Variants in VPS13B observed in about 807,000 individuals in gnomAD.
VPS13B encodes intermembrane lipid transfer protein VPS13B.
A neutral mutation model predicts 426.4 loss-of-function variants in VPS13B; 285 were observed. The ratio of observed to expected loss-of-function variants is 0.67; its 90% CI spans 0.61 to 0.74. The LOEUF (loss-of-function observed/expected upper bound fraction) is 0.74, where lower values mean the gene tolerates loss of function less well. Among genes scored for constraint, VPS13B ranks in the 30% least tolerant of loss-of-function variants. The pLI, the probability that VPS13B is intolerant of heterozygous loss-of-function variation, is 0.00. For missense variants in VPS13B, 4,537 were observed against 4,782.6 expected (o/e 0.95, Z 1.51); for synonymous variants, 1,676 against 1,676.4 (o/e 1.00, Z 0.01).
intron 54 of VPS13B, among the ~76,000 whole-genome samples, chr8:99,847,731 T>C (rs972136869): frequency 1.4e-4 from 21 of 152,282 alleles, no homozygotes; most frequent in African/African-American, 5.1e-4. Flanking sequence ...GAGAAAGCCA[T>C]TGCATGAGAA....
At chr8:99,429,572 C>T (rs1394437598) in intron 21 of VPS13B, 1 of 152,116 alleles carries the variant, frequency 6.6e-6, no homozygotes. Flanking sequence ...TCCTACAGCT[C>T]CATTCTTCCA....
chr8:99,821,103 AACACACACAC>A (rs755074579), intron 49 of VPS13B, among the ~76,000 whole-genome samples, 181 bp from the exon 50 acceptor site: 2,366 of 78,316 alleles, frequency 0.03, 63 homozygotes, highest in East Asian at 0.066. Context: ...GTCATTACAA[AACACACACAC>A]ACACACACAC....
intron 58 of VPS13B, among the ~76,000 whole-genome samples, chr8:99,865,824 C>T (rs1449090455): frequency 6.6e-6 from 1 of 152,188 alleles, no homozygotes; most frequent in African/African-American, 2.4e-5. Context: ...AACAAAATTA[C>T]ACCACATGGT....
At position 99,431,663 on chromosome 8, in the gene VPS13B, A is replaced by T. The variant is rs1338808271; in HGVS notation, c.3209A>T (p.Gln1070Leu). 2 of 1,612,668 alleles carry T rather than the reference A, an allele frequency of 1.2e-6. No homozygotes were observed. The highest frequency in any genetic ancestry group is 1.7e-6 in the Non-Finnish European group (2 of 1,179,398). The change falls in exon 22 of 62, where the codon CAG becomes CTG. Residue 1070 changes from glutamine (Q) to leucine (L), a missense_variant and splice_region_variant. Physicochemically the swap from Gln to Leu is moderately radical, Grantham distance 113 (BLOSUM62 -2). Transcript: ENST00000357162. Reference sequence around the variant, plus strand: ...AATGCAGTGAAGCATCTCACACTACAGGTAAAATAAAAGTTAGAAATATTA... The same window carrying T: ...AATGCAGTGAAGCATCTCACACTACTGGTAAAATAAAAGTTAGAAATATTA... ...VWNAVKHLTL[Q>L]LEVQSCCVFI...
chr8:99,266,672 A>G (rs1012472844), intron 17 of VPS13B, among the ~76,000 whole-genome samples: 1 of 152,004 alleles, frequency 6.6e-6, no homozygotes, highest in Non-Finnish European at 1.5e-5. Flanking sequence ...GATGGTAGGT[A>G]ATTGAATCAT....
intron 13 of VPS13B, 145 bp downstream of exon 13, chr8:99,143,310 A>G: frequency 1.0e-6 from 1 of 991,514 alleles, no homozygotes; most frequent in Non-Finnish European, 1.5e-6. Context: ...TGTTTATTTA[A>G]AGAATAAACT....
intron 19 of VPS13B, among the ~76,000 whole-genome samples, chr8:99,339,120 T>G (rs1377680014): frequency 6.6e-6 from 1 of 152,206 alleles, no homozygotes; most frequent in African/African-American, 2.4e-5. Flanking sequence ...TTTAAAAATA[T>G]TTAAGTTTCA....
At chr8:99,393,873 G>T (rs1814588080) in intron 21 of VPS13B, among the ~76,000 whole-genome samples, 1 of 151,886 alleles carries the variant, frequency 6.6e-6, no homozygotes, top group Non-Finnish European at 1.5e-5. Context: ...TTTAATTAAA[G>T]GATACAGTCT....
rs182527829 is a variant in VPS13B at position 99,299,028 on chromosome 8, G to T, written c.2824+23774G>T. ...TCAGTCCTGCCACATTCCAAAGAGC[G>T]ATCTTGGCCAAGTTATTCCACCACT... On this transcript the variant is annotated intron_variant, in intron 19 of 61. Transcript: ENST00000357162. Among the ~76,000 whole-genome samples, 406 of 149,112 alleles carry T rather than the reference G, an allele frequency of 2.7e-3. 8 individuals carry two copies. Among genetic ancestry groups the T allele is most frequent in the Admixed American group, 0.024 (355 of 14,988 alleles).
chr8:99,334,152 C>A (rs916045035), intron 19 of VPS13B, among the ~76,000 whole-genome samples: 5 of 151,592 alleles, frequency 3.3e-5, no homozygotes, highest in Non-Finnish European at 4.4e-5. Context: ...ACTTTTTTTC[C>A]AAGTAGTTAT....
chr8:99,224,905 C>T (rs1186046282), intron 17 of VPS13B, among the ~76,000 whole-genome samples: 1 of 152,140 alleles, frequency 6.6e-6, no homozygotes, highest in East Asian at 1.9e-4. Flanking sequence ...CTCCCAAGGT[C>T]TCATTTTATC....
At chr8:99,418,124 G>A (rs1816137209) in intron 21 of VPS13B, among the ~76,000 whole-genome samples, 1 of 152,010 alleles carries the variant, frequency 6.6e-6, no homozygotes, top group Non-Finnish European at 1.5e-5. Context: ...AGCTTCATGA[G>A]GACTGGGATT....
At chr8:99,612,080 T>C (rs1178252247) in intron 33 of VPS13B, among the ~76,000 whole-genome samples, 1 of 152,144 alleles carries the variant, frequency 6.6e-6, no homozygotes, top group African/African-American at 2.4e-5. Context: ...GGTCCTGTTA[T>C]TGGTAAGTGA....
chr8:99,148,156 A>C, intron 14 of VPS13B, 146 bp downstream of exon 14: 7 of 879,790 alleles, frequency 8.0e-6, no homozygotes, highest in Non-Finnish European at 1.2e-5. Context: ...GGCAGGATGC[A>C]CACTTGAGGC....
intron 19 of VPS13B, chr8:99,341,576 G>C (rs1811247478): frequency 6.0e-6 from 1 of 165,740 alleles, no homozygotes; most frequent in African/African-American, 2.4e-5. Flanking sequence ...TTCTTCCTGT[G>C]CTTCTCAGGT....
intron 35 of VPS13B, among the ~76,000 whole-genome samples, chr8:99,684,867 G>C (rs572648700): frequency 6.6e-6 from 1 of 152,174 alleles, no homozygotes; most frequent in Non-Finnish European, 1.5e-5. Flanking sequence ...GCAGTGGCAC[G>C]ATCTTGGCTT....
chr8:99,240,706 A>C (rs1369276385), intron 17 of VPS13B, among the ~76,000 whole-genome samples: 1 of 152,272 alleles, frequency 6.6e-6, no homozygotes, highest in Non-Finnish European at 1.5e-5. Flanking sequence ...AACTAAAAAA[A>C]ATCACTTTCT....
chr8:99,754,503 C>T (rs1282578270), intron 39 of VPS13B, among the ~76,000 whole-genome samples: 1 of 152,172 alleles, frequency 6.6e-6, no homozygotes, highest in Non-Finnish European at 1.5e-5. Flanking sequence ...AAGCCGGTTT[C>T]TTAGCCTATT....
rs1421078916 is a variant in VPS13B, at chr8:99,057,211, T to TTTCC, written c.291+18645_291+18646insTTCC. Among the ~76,000 whole-genome samples the TTTCC allele has an allele frequency of 2.6e-5, 4 of 152,188 alleles. No homozygotes were observed. The East Asian group carries it at 7.7e-4, about 29-fold the overall frequency. On this transcript the variant is annotated intron_variant, in intron 3 of 61. Transcript: ENST00000357162. ...TATTTTTTTTTTTGTTTCCAGTCTG[T>TTTCC]ATGCCTTTCTACCCTTTTTAAACTT...
Sources: gnomAD v4.1 joint callset for allele counts (sites outside exome capture counted in the v4.1 genomes callset) on GRCh38, gnomAD v4.1.1 for gene constraint, MANE v1.5 for transcripts, NCBI Gene and HGNC (gene_info 2026-07-23, HGNC 2026-07-21) for gene names.